WDR27: variants seen among roughly 807,000 people sequenced by gnomAD.
WDR27 encodes the protein WD repeat domain 27.
In WDR27, 100 loss-of-function variants were observed where a neutral mutation model predicts 114.4. The ratio of observed to expected loss-of-function variants is 0.87; its 90% confidence interval spans 0.74 to 1.03. The LOEUF is 1.03. Ranked by LOEUF, WDR27 falls within the 50% of genes least tolerant of loss-of-function variation. The pLI is 0.00. For missense variants in WDR27, 1,129 were observed against 1,092.9 expected, an observed-to-expected ratio of 1.03 and a Z score of -0.47; for synonymous variants, 449 against 423.1, an observed-to-expected ratio of 1.06 and a Z score of -0.75.
intron 25 of WDR27, among the ~76,000 whole-genome samples, chr6:169,469,713 T>TTA (rs57787078): frequency 0.016 from 2,492 of 152,310 alleles, 67 homozygotes; most frequent in African/African-American, 0.057. Flanking sequence ...ACAGTTCTGT[T>TTA]TTATAGACTC....
the WDR27 span, among the ~76,000 whole-genome samples, chr6:169,451,868 T>C: frequency 1.3e-5 from 2 of 152,232 alleles, no homozygotes; most frequent in African/African-American, 4.8e-5. Flanking sequence ...CATTTTTTAT[T>C]GCTTTTTATT....
At chr6:169,563,044 G>C (rs1014509801) in intron 25 of WDR27, among the ~76,000 whole-genome samples, 17 of 152,180 alleles carry the variant, frequency 1.1e-4, no homozygotes, top group African/African-American at 4.1e-4. Context: ...AATAATCAGA[G>C]ATCACAGTTT....
At position 169,651,957 on chromosome 6, in the gene WDR27, C is replaced by A. The variant is rs555877539; in HGVS notation, c.1454G>T (p.Arg485Met). The A allele has an allele frequency of 6.2e-7, 1 of 1,613,864 alleles. No homozygotes were observed. Among genetic ancestry groups the A allele is most frequent in the South Asian group, 1.1e-5 (1 of 91,066 alleles). ...TGGTGCTGACGCATAACCAGATGACCTAACTTTACTATGGAAAACCAGGCG... is the reference window on the plus strand; with the variant it reads ...TGGTGCTGACGCATAACCAGATGACATAACTTTACTATGGAAAACCAGGCG... ...DQRLVFHSKV[R>M]SSGYASAPHV... Residue 485 changes from arginine to methionine, a missense_variant, in exon 14 of 26, where the codon AGG becomes ATG. Coordinates refer to ENST00000448612, the MANE Select transcript of WDR27 (RefSeq NM_182552.5).
chr6:169,448,399 T>TGTGTGG, the WDR27 span, among the ~76,000 whole-genome samples: 47,592 of 150,490 alleles, frequency 0.32, 8,635 homozygotes, highest in African/African-American at 0.5. Flanking sequence ...TCTATGTGTG[T>TGTGTGG]GTGTGTGTGT....
downstream of WDR27, among the ~76,000 whole-genome samples, chr6:169,456,584 T>C (rs1784354477): frequency 1.3e-5 from 2 of 152,158 alleles, no homozygotes; most frequent in African/African-American, 4.8e-5. The surrounding 1 kb of genome is among the most constrained non-coding windows in gnomAD (Gnocchi z 4.0). Context: ...CTTAGGAGTC[T>C]GATACATGCA....
At chr6:169,641,171 C>T (rs117436867) in intron 17 of WDR27, among the ~76,000 whole-genome samples, 1,843 of 152,320 alleles carry the variant, frequency 0.012, 18 homozygotes, top group Non-Finnish European at 0.017. Flanking sequence ...GACGGACCTC[C>T]CACTCCCAGG....
Position 169,638,456 on chromosome 6 carries a change from G to A in WDR27, c.1869+83C>T. ...GCTTACGTCCCTTTCCTCATCTCCT[G>A]TTAAGGTAAAAGAATGAGACTTTTG... On this transcript the variant is annotated intron_variant, in intron 18 of 25. Coordinates refer to ENST00000448612, the MANE Select transcript of WDR27 (RefSeq NM_182552.5). The A allele has an allele frequency of 2.6e-6, 4 of 1,526,014 alleles. No individual in the cohort carries two copies. The Admixed American group carries it at 6.0e-5, about 23-fold the overall frequency. 94.5% of individuals were successfully genotyped at this position (1,526,014 alleles called of 1,614,324 possible).
chr6:169,622,399 G>A (rs374501969), intron 21 of WDR27, among the ~76,000 whole-genome samples: 14 of 152,250 alleles, frequency 9.2e-5, no homozygotes, highest in African/African-American at 2.4e-4. Context: ...TCACACACAC[G>A]CACATACAAA....
chr6:169,463,244 G>T (rs1157355134), intron 25 of WDR27, among the ~76,000 whole-genome samples: 1 of 152,168 alleles, frequency 6.6e-6, no homozygotes, highest in Admixed American at 6.5e-5. Context: ...GGGCAGAGGG[G>T]GGTGTCAAAC....
At chr6:169,612,361 A>C (rs1298419614) in intron 22 of WDR27, among the ~76,000 whole-genome samples, 1 of 152,230 alleles carries the variant, frequency 6.6e-6, no homozygotes, top group Non-Finnish European at 1.5e-5. Flanking sequence ...CGGAGCTTGC[A>C]GTGAGCTGAG....
chr6:169,436,775 GTTTC>G, the WDR27 span, among the ~76,000 whole-genome samples: 22 of 151,978 alleles, frequency 1.4e-4, no homozygotes, highest in Admixed American at 1.3e-3. Flanking sequence ...ATAAATTAAT[GTTTC>G]TTTATTTTTG....
Position 169,633,047 on chromosome 6 carries a change from C to T in WDR27, c.2123G>A (p.Arg708Gln), listed in dbSNP as rs201209063. The change falls in exon 21 of 26, where the codon CGG (arginine) becomes CAG (glutamine). Residue 708 changes from arginine (R) to glutamine (Q), a missense_variant. Arg to Gln is a conservative substitution (Grantham distance 43, BLOSUM62 1). Coordinates refer to ENST00000448612, the MANE Select transcript of WDR27 (RefSeq NM_182552.5). The stretch of plus-strand genomic sequence containing the variant: ...GTCAAACACTTCCACGGTCCTGTTC[C>T]GGCCAGCTGCGAGTACGATGTCTGC... Reference protein sequence around the residue: ...FYSHIVLAAGRNRTVEVFDLN... With the variant: ...FYSHIVLAAGQNRTVEVFDLN... 85 of 1,586,654 alleles carry T rather than the reference C, an allele frequency of 5.4e-5. No homozygotes were observed. In the African/African-American group the frequency reaches 7.1e-4, roughly 13 times the overall value.
At chr6:169,555,532 T>C (rs1483871993) in intron 25 of WDR27, among the ~76,000 whole-genome samples, 1 of 152,146 alleles carries the variant, frequency 6.6e-6, no homozygotes, top group Non-Finnish European at 1.5e-5. Flanking sequence ...CAAAAATTCT[T>C]AGGGGAAAAA....
chr6:169,435,424 A>G, the WDR27 span, among the ~76,000 whole-genome samples: 864 of 152,300 alleles, frequency 5.7e-3, 8 homozygotes, highest in African/African-American at 0.019. Context: ...AAAAGCCACA[A>G]ACACTCAATG....
At chr6:169,453,982 T>C (rs1562435151), downstream of WDR27, among the ~76,000 whole-genome samples, 1 of 152,200 alleles carries the variant, frequency 6.6e-6, no homozygotes, top group East Asian at 1.9e-4. Context: ...CTCTTTTGGG[T>C]TGGCAGCTGC....
In WDR27 at chr6:169,602,614, T is replaced by A. The variant is rs1256387557; in HGVS notation, c.2322-293A>T. ...ACATATTCTGGAAATTTTTTAAATA[T>A]CAAAACAAACTTAACAAATCTTCTA... On this transcript the variant is annotated intron_variant, in intron 22 of 25. Transcript: ENST00000448612. Among the ~76,000 whole-genome samples, 4 of 152,236 alleles carry A rather than the reference T, an allele frequency of 2.6e-5. No homozygotes were observed. The East Asian group carries it at 7.7e-4, about 29-fold the overall frequency.
the WDR27 span, among the ~76,000 whole-genome samples, chr6:169,451,821 G>A: frequency 6.6e-6 from 1 of 152,104 alleles, no homozygotes; most frequent in African/African-American, 2.4e-5. Flanking sequence ...TCATATATGT[G>A]TCTTCTTTCT....
At chr6:169,482,302 G>C (rs537260829) in intron 25 of WDR27, among the ~76,000 whole-genome samples, 2 of 152,200 alleles carry the variant, frequency 1.3e-5, no homozygotes, top group South Asian at 4.1e-4. Context: ...ATATTCCTTT[G>C]GGTATATACC....
At chr6:169,500,409 G>A (rs971677768) in intron 25 of WDR27, among the ~76,000 whole-genome samples, 5 of 152,102 alleles carry the variant, frequency 3.3e-5, no homozygotes, top group African/African-American at 1.2e-4. Context: ...CTAATGCTTA[G>A]TAGCTGCTGA....
Sources: gnomAD v4.1 joint callset for allele counts (sites outside exome capture counted in the v4.1 genomes callset) on GRCh38, gnomAD v4.1.1 for gene constraint, Gnocchi (gnomAD v3.1) non-coding constraint, MANE v1.5 for transcripts, NCBI Gene and HGNC (gene_info 2026-07-23, HGNC 2026-07-21) for gene names.